BCL11B: variants seen among roughly 807,000 people sequenced by gnomAD.
BCL11B encodes the protein B-cell lymphoma/leukemia 11B.
Under a neutral mutation model 49.9 loss-of-function variants are expected in BCL11B, and 8 were observed. The ratio of observed to expected loss-of-function variants is 0.16; its 90% CI spans 0.09 to 0.29. BCL11B has a LOEUF of 0.29. Among genes scored for constraint, BCL11B ranks in the 10% least tolerant of loss-of-function variants. The probability of loss-of-function intolerance (pLI) is 1.00; values close to 1 mark genes in which losing one functional copy is unlikely to be tolerated. For synonymous variants in BCL11B, 739 were observed against 637.4 expected, an observed-to-expected ratio of 1.16 and a Z score of -2.40; for missense variants, 1,006 against 1,351.0, an observed-to-expected ratio of 0.74 and a Z score of 4.00.
intron 3 of BCL11B, among the ~76,000 whole-genome samples, chr14:99,196,081 G>A (rs1339177426): frequency 2.0e-5 from 3 of 152,178 alleles, no homozygotes; most frequent in South Asian, 2.1e-4. Context: ...CCGAGGCTTC[G>A]AGAGGGCAGC....
chr14:99,240,775 G>C (rs1223055647), intron 2 of BCL11B, among the ~76,000 whole-genome samples: 1 of 152,126 alleles, frequency 6.6e-6, no homozygotes, highest in African/African-American at 2.4e-5. Context: ...AACACTTCGC[G>C]GGACTAATTT....
chr14:99,271,262 T>C lies in BCL11B; in HGVS notation c.-44A>G, dbSNP rs746170430. On this transcript the variant is annotated 5_prime_UTR_variant, in exon 1 of 4. Transcript: ENST00000357195. Reference sequence around the variant, plus strand: ...GGCATCGCCCGGAGAGCTGCACTGATGGGGGGAGCCGGGGGAGGGGGTCCG... The same window carrying C: ...GGCATCGCCCGGAGAGCTGCACTGACGGGGGGAGCCGGGGGAGGGGGTCCG... 3 of 1,301,738 alleles carry C rather than the reference T, an allele frequency of 2.3e-6. No individual in the cohort carries two copies. Among genetic ancestry groups the C allele is most frequent in the East Asian group, 5.9e-5 (2 of 33,630 alleles). 80.6% of individuals were successfully genotyped at this position (1,301,738 alleles called of 1,614,324 possible). A position where few individuals can be genotyped will look rare whatever the true frequency, so the allele number is the denominator to read the frequency against.
chr14:99,181,015 C>T (rs921567202), intron 3 of BCL11B, among the ~76,000 whole-genome samples: 1 of 152,074 alleles, frequency 6.6e-6, no homozygotes, highest in Non-Finnish European at 1.5e-5. Context: ...CTAATAATAC[C>T]AATAAAGGTA....
At position 99,231,412 on chromosome 14, in the gene BCL11B, G is replaced by A. The variant is rs990457757; in HGVS notation, c.573C>T (p.Val191=). 6.3e-7 allele frequency: 1 copy of A among 1,597,732 alleles called. No homozygotes were observed. Among genetic ancestry groups the A allele is most frequent in the African/African-American group, 1.3e-5 (1 of 74,512 alleles). The part of the protein sequence containing the change: ...LPLPCCSARP[V]SGDGTQGEGQ... Reference sequence around the variant, plus strand: ...CCTCACCCTGAGTCCCGTCACCCGAGACCGGGCGCGCGCTGCAGCACGGCA... The same window carrying A: ...CCTCACCCTGAGTCCCGTCACCCGAAACCGGGCGCGCGCTGCAGCACGGCA... The change falls in exon 3 of 4, where the codon GTC becomes GTT. Residue 191 remains valine, a synonymous_variant. Coordinates refer to ENST00000357195, the MANE Select transcript of BCL11B (RefSeq NM_138576.4). This position sits in a 1 kb window ranked among gnomAD's most constrained non-coding sequence, Gnocchi z 8.1.
intron 2 of BCL11B, among the ~76,000 whole-genome samples, chr14:99,240,243 T>C (rs1888622371): frequency 6.6e-6 from 1 of 152,180 alleles, no homozygotes; most frequent in South Asian, 2.1e-4. Flanking sequence ...AGGAGGACCC[T>C]GCTATAGTTT....
At chr14:99,245,721 A>G (rs1358722118) in intron 2 of BCL11B, among the ~76,000 whole-genome samples, 1 of 152,092 alleles carries the variant, frequency 6.6e-6, no homozygotes, top group African/African-American at 2.4e-5. Flanking sequence ...CACATTCCCC[A>G]TGCCCGAGAA....
intron 2 of BCL11B, among the ~76,000 whole-genome samples, chr14:99,255,408 A>G (rs1889130234): frequency 1.1e-4 from 7 of 66,330 alleles, no homozygotes; most frequent in Admixed American, 6.5e-4. Context: ...CAACCTGGAA[A>G]AAAAAAAAAA....
chr14:99,233,606 G>A (rs1861166709), intron 2 of BCL11B, among the ~76,000 whole-genome samples: 1 of 152,212 alleles, frequency 6.6e-6, no homozygotes, highest in Non-Finnish European at 1.5e-5. Context: ...CCTGGTAAGG[G>A]TTGTCCCAGG....
rs554756256 is a variant in BCL11B, at chr14:99,241,768, G to A, written c.428-10211C>T. Among the ~76,000 whole-genome samples, 9 of 151,712 alleles carry A rather than the reference G, an allele frequency of 5.9e-5. No individual in the cohort carries two copies. In the South Asian group the frequency reaches 1.2e-3, roughly 21 times the overall value. On this transcript the variant is annotated intron_variant, in intron 2 of 3. Transcript: ENST00000357195. The surrounding 1 kb of genome is among the most constrained non-coding windows in gnomAD (Gnocchi z 4.4). Reference sequence around the variant, plus strand: ...AAACATCAGTGTCACTAAAAAAAACGTCACTCTGTTTTGCAAAATCCAGCA... The same window carrying A: ...AAACATCAGTGTCACTAAAAAAAACATCACTCTGTTTTGCAAAATCCAGCA...
chr14:99,266,128 AT>A (rs1301319073), intron 1 of BCL11B, among the ~76,000 whole-genome samples: 1 of 152,196 alleles, frequency 6.6e-6, no homozygotes, highest in Non-Finnish European at 1.5e-5. Context: ...TTTACATGTT[AT>A]TTGAGTCGGC....
intron 1 of BCL11B, among the ~76,000 whole-genome samples, chr14:99,259,352 C>T (rs1185433256): frequency 6.6e-6 from 1 of 152,220 alleles, no homozygotes; most frequent in Non-Finnish European, 1.5e-5. Flanking sequence ...ATCTCCCATC[C>T]TACACATAAA....
At position 99,228,053 on chromosome 14, in the gene BCL11B, C is replaced by T. The variant is rs575681331; in HGVS notation, c.640+3292G>A. 6.6e-6 allele frequency among the ~76,000 whole-genome samples: 1 copy of T among 152,306 alleles called. No individual in the cohort carries two copies. Among genetic ancestry groups the T allele is most frequent in the East Asian group, 1.9e-4 (1 of 5,178 alleles). ...GTTTTCTCCCCCCGTAAAATCACAT[C>T]CTTCTATAAATAACTGCAGATGCGG... On this transcript the variant is annotated intron_variant, in intron 3 of 3. Transcript: ENST00000357195. This position sits in a 1 kb window ranked among gnomAD's most constrained non-coding sequence, Gnocchi z 4.8.
chr14:99,267,640 A>C (rs1485795658), intron 1 of BCL11B, among the ~76,000 whole-genome samples: 1 of 151,538 alleles, frequency 6.6e-6, no homozygotes, highest in Non-Finnish European at 1.5e-5. Flanking sequence ...GGACCACTGG[A>C]GATATACTCT....
intron 2 of BCL11B, among the ~76,000 whole-genome samples, chr14:99,238,835 G>C (rs192751933): frequency 6.6e-6 from 1 of 152,182 alleles, no homozygotes; most frequent in African/African-American, 2.4e-5. Flanking sequence ...ACTCCTCTGG[G>C]TGACCTCAGG....
intron 2 of BCL11B, among the ~76,000 whole-genome samples, chr14:99,236,257 T>C (rs1888495728): frequency 6.6e-6 from 1 of 152,110 alleles, no homozygotes; most frequent in African/African-American, 2.4e-5. Context: ...ATAAAAATAT[T>C]TTTTTCTGAT....
rs1888351868 is a variant in BCL11B, at chr14:99,231,982, A to G, written c.428-425T>C. ...TCCCTGGAAGAGCTGGGAAGCTCAC[A>G]GCCTCCCCTGTTTGCTGTATCAGGA... On this transcript the variant is annotated intron_variant, in intron 2 of 3. Coordinates refer to ENST00000357195, the MANE Select transcript of BCL11B (RefSeq NM_138576.4). The surrounding 1 kb of genome is among the most constrained non-coding windows in gnomAD (Gnocchi z 8.1). Among the ~76,000 whole-genome samples the G allele has an allele frequency of 1.3e-5, 2 of 152,100 alleles. No individual in the cohort carries two copies. Among genetic ancestry groups the G allele is most frequent in the Admixed American group, 1.3e-4 (2 of 15,288 alleles).
rs375880436 is a variant in BCL11B at position 99,175,486 on chromosome 14, C to T, written c.1350G>A (p.Thr450=). ...GCTGGCACTTGTAGGGCTTCTCGCC[C>T]GTGTGACTGCGCCGGTGCACGATGA... The part of the protein sequence containing the change: ...SNLIVHRRSH[T]GEKPYKCQLC... Residue 450 remains threonine, a synonymous_variant, in exon 4 of 4, where the codon ACG becomes ACA. Transcript: ENST00000357195. 122 of 1,610,976 alleles carry T rather than the reference C, an allele frequency of 7.6e-5. No individual in the cohort carries two copies. Among genetic ancestry groups the T allele is most frequent in the African/African-American group, 1.5e-4 (11 of 74,482 alleles).
In BCL11B at chr14:99,271,376, C is replaced by T. The variant is rs950435023; in HGVS notation, c.-158G>A. ...CCCGGGTTGGTGTTTTTTTTCCCTT[C>T]CTCTCTTTCCCTCTCTTCCTCCTCT... On this transcript the variant is annotated 5_prime_UTR_variant, in exon 1 of 4. Coordinates refer to ENST00000357195, the MANE Select transcript of BCL11B (RefSeq NM_138576.4). 6.3e-6 allele frequency: 2 copies of T among 317,334 alleles called. No individual in the cohort carries two copies. The highest frequency in any genetic ancestry group is 2.1e-5 in the African/African-American group (1 of 46,688). 19.7% of individuals were successfully genotyped at this position (317,334 alleles called of 1,614,324 possible). A position where few individuals can be genotyped will look rare whatever the true frequency, so the allele number is the denominator to read the frequency against.
intron 1 of BCL11B, among the ~76,000 whole-genome samples, chr14:99,270,119 C>G (rs531273614): frequency 1.3e-3 from 191 of 152,118 alleles, no homozygotes; most frequent in Non-Finnish European, 3.7e-4. Context: ...ATAAACCCAA[C>G]AGGGACGGTG....
Sources: gnomAD v4.1 joint callset for allele counts (sites outside exome capture counted in the v4.1 genomes callset) on GRCh38, gnomAD v4.1.1 for gene constraint, Gnocchi (gnomAD v3.1) non-coding constraint, MANE v1.5 for transcripts, NCBI Gene and HGNC (gene_info 2026-07-23, HGNC 2026-07-21) for gene names.